ANKS1A: variants seen among roughly 807,000 people sequenced by gnomAD.
ANKS1A encodes ankyrin repeat and SAM domain-containing protein 1A.
Under a neutral mutation model 120.3 loss-of-function variants are expected in ANKS1A, and 55 were observed. That is an observed-to-expected ratio of 0.46 (90% CI 0.37 to 0.57). The LOEUF is 0.57. Ranked by LOEUF, ANKS1A falls within the 20% of genes least tolerant of loss-of-function variation. The pLI is 0.00. For missense variants in ANKS1A, 1,123 were observed against 1,480.3 expected, an observed-to-expected ratio of 0.76 and a Z score of 3.96; for synonymous variants, 590 against 604.7, an observed-to-expected ratio of 0.98 and a Z score of 0.36.
chr6:34,913,044 GT>G (rs1190023686), intron 1 of ANKS1A, among the ~76,000 whole-genome samples: 1 of 152,150 alleles, frequency 6.6e-6, no homozygotes, highest in African/African-American at 2.4e-5. Flanking sequence ...CGTTTACTGA[GT>G]TTCTGTTCTG....
At chr6:34,938,860 C>T (rs1337009567) in intron 1 of ANKS1A, among the ~76,000 whole-genome samples, 6 of 152,184 alleles carry the variant, frequency 3.9e-5, no homozygotes, top group East Asian at 3.9e-4. Context: ...TGGTGGCGCA[C>T]GCCTGTAATC....
downstream of ANKS1A, among the ~76,000 whole-genome samples, chr6:35,094,706 GAAACA>G (rs1778406499): frequency 6.6e-6 from 1 of 151,970 alleles, no homozygotes; most frequent in Non-Finnish European, 1.5e-5. Context: ...CATAAACTGG[GAAACA>G]AAACAACAGA....
rs1777831163 is a variant in ANKS1A at position 35,084,096 on chromosome 6, T to G, written c.2995-25T>G. 3 of 1,613,238 alleles carry G rather than the reference T, an allele frequency of 1.9e-6. No homozygotes were observed. The highest frequency in any genetic ancestry group is 1.7e-5 in the Admixed American group (1 of 59,980). ...CAGAGGCATGCCTGAGCCTGAGAAT[T>G]CCAGAACACGGCTTTCCCCAGCAGA... is the stretch of plus-strand genomic sequence containing the variant. On this transcript the variant is annotated intron_variant, in intron 20 of 23. Transcript: ENST00000360359. The surrounding 1 kb of genome is among the most constrained non-coding windows in gnomAD (Gnocchi z 4.8).
At chr6:35,041,716 C>T (rs1185643566) in intron 11 of ANKS1A, among the ~76,000 whole-genome samples, 3 of 152,158 alleles carry the variant, frequency 2.0e-5, no homozygotes, top group Non-Finnish European at 4.4e-5. Context: ...CTCAGGAGTC[C>T]TCACACTACC....
At position 34,994,298 on chromosome 6, in the gene ANKS1A, T is replaced by G; in HGVS notation, c.1303-4T>G. ...AAGATACACTGGATGTTTCTCTCCC[T>G]TAGGTTCTGTCCATGAGACCTAGGA... On this transcript the variant is annotated splice_polypyrimidine_tract_variant and splice_region_variant and intron_variant, in intron 9 of 23. Transcript: ENST00000360359. 2 of 1,612,764 alleles carry G rather than the reference T, an allele frequency of 1.2e-6. No individual in the cohort carries two copies. Among genetic ancestry groups the G allele is most frequent in the African/African-American group, 1.3e-5 (1 of 75,012 alleles).
chr6:34,940,009 C>T (rs1378276573), intron 1 of ANKS1A, among the ~76,000 whole-genome samples: 2 of 152,142 alleles, frequency 1.3e-5, no homozygotes, highest in African/African-American at 4.8e-5. Flanking sequence ...CATCTTGGTC[C>T]TGGTTAGATG....
intron 13 of ANKS1A, among the ~76,000 whole-genome samples, chr6:35,073,198 A>G (rs1024963067): frequency 6.6e-6 from 1 of 152,198 alleles, no homozygotes; most frequent in African/African-American, 2.4e-5. Context: ...GCCACACGTC[A>G]CACGTCACCT....
chr6:35,005,646 A>G, intron 10 of ANKS1A: 1 of 413,102 alleles, frequency 2.4e-6, no homozygotes, highest in Non-Finnish European at 4.7e-6. Context: ...AAGTAAAAGT[A>G]AAGAAACCAA....
chr6:35,091,142 T>C lies in ANKS1A; in HGVS notation c.*2533T>C. 1.0e-6 allele frequency: 1 copy of C among 985,898 alleles called. No individual in the cohort carries two copies. The highest frequency in any genetic ancestry group is 1.2e-6 in the Non-Finnish European group (1 of 829,926). The allele number at this position is 985,898 out of a possible 1,614,324, so 61.1% of individuals were successfully genotyped here. On this transcript the variant is annotated 3_prime_UTR_variant, in exon 24 of 24. Coordinates refer to ENST00000360359, the MANE Select transcript of ANKS1A (RefSeq NM_015245.3). Reference sequence around the variant, plus strand: ...GGACTGAACTGTAATGAAAATGTTATTTAATCTTTGTCTCTGTATTTTGAT... The same window carrying C: ...GGACTGAACTGTAATGAAAATGTTACTTAATCTTTGTCTCTGTATTTTGAT...
chr6:35,088,711 G>C lies in ANKS1A; in HGVS notation c.*102G>C. On this transcript the variant is annotated 3_prime_UTR_variant, in exon 24 of 24. Transcript: ENST00000360359. ...CTCACCTGCAGCTCTGAAGACCCAG[G>C]CCTCACCTCCGCCTGCAGGACCTCC... The C allele has an allele frequency of 6.2e-7, 1 of 1,611,908 alleles. No homozygotes were observed. The highest frequency in any genetic ancestry group is 8.5e-7 in the Non-Finnish European group (1 of 1,179,410).
chr6:35,086,764 C>T lies in ANKS1A; in HGVS notation c.3304-188C>T, dbSNP rs901737219. 2.0e-5 allele frequency among the ~76,000 whole-genome samples: 3 copies of T among 152,196 alleles called. No individual in the cohort carries two copies. The highest frequency in any genetic ancestry group is 7.2e-5 in the African/African-American group (3 of 41,452). On this transcript the variant is annotated intron_variant, in intron 22 of 23. Coordinates refer to ENST00000360359, the MANE Select transcript of ANKS1A (RefSeq NM_015245.3). The surrounding 1 kb of genome is among the most constrained non-coding windows in gnomAD (Gnocchi z 5.1). ...AGAAGCTGTGCCTGGAGGTGGCCCT[C>T]CCCAAGATGCTCCAGGAGGGTGTCC... is the stretch of plus-strand genomic sequence containing the variant.
chr6:34,988,528 G>A (rs1026652293), intron 8 of ANKS1A, among the ~76,000 whole-genome samples: 5 of 152,152 alleles, frequency 3.3e-5, no homozygotes, highest in East Asian at 1.9e-4. Context: ...CCTGGGAGGC[G>A]GAGCTTGCAG....
At chr6:34,902,248 T>A (rs562556751) in intron 1 of ANKS1A, among the ~76,000 whole-genome samples, 7 of 152,204 alleles carry the variant, frequency 4.6e-5, no homozygotes, top group Non-Finnish European at 1.0e-4. Context: ...TCTTTTTTGT[T>A]TCTTTTTTTT....
chr6:35,001,533 C>T (rs1444189937), intron 10 of ANKS1A, among the ~76,000 whole-genome samples: 2 of 152,244 alleles, frequency 1.3e-5, no homozygotes, highest in Non-Finnish European at 1.5e-5. Context: ...TCTCAAAGTC[C>T]AGCACCCTGC....
At chr6:34,896,937 C>G (rs190762877) in intron 1 of ANKS1A, among the ~76,000 whole-genome samples, 15 of 152,124 alleles carry the variant, frequency 9.9e-5, no homozygotes, top group Middle Eastern at 3.4e-3. Flanking sequence ...GCACTCCAGC[C>G]TGGGCAAAAA....
intron 1 of ANKS1A, among the ~76,000 whole-genome samples, chr6:34,902,864 T>C (rs940788017): frequency 2.0e-5 from 3 of 149,682 alleles, no homozygotes; most frequent in Non-Finnish European, 4.5e-5. Flanking sequence ...CTTGCTATTG[T>C]CTTCAGTTAC....
chr6:35,020,070 T>C (rs1263813054), intron 11 of ANKS1A, among the ~76,000 whole-genome samples: 8 of 151,890 alleles, frequency 5.3e-5, no homozygotes, highest in African/African-American at 1.9e-4. Flanking sequence ...GTGCTGACTG[T>C]GTGTAAGGGC....
At chr6:34,945,569 T>G (rs1297279867) in intron 1 of ANKS1A, among the ~76,000 whole-genome samples, 2 of 152,216 alleles carry the variant, frequency 1.3e-5, no homozygotes, top group Admixed American at 1.3e-4. Flanking sequence ...GGGCTCTCTA[T>G]TCTGTTCCAC....
rs779034710 is a variant in ANKS1A at position 35,060,192 on chromosome 6, T to C, written c.2123T>C (p.Ile708Thr). The C allele has an allele frequency of 9.3e-6, 15 of 1,609,508 alleles. No individual in the cohort carries two copies. The highest frequency in any genetic ancestry group is 6.7e-5 in the African/African-American group (5 of 74,772). ...AGTGTCGGGGAGTGGCTGGAGTCGA[T>C]TGGGCTGCAGCAGTATGAGAGCAAG... Reference protein sequence around the residue: ...EQSVGEWLESIGLQQYESKLL... With the variant: ...EQSVGEWLESTGLQQYESKLL... The change falls in exon 13 of 24, where the codon ATT becomes ACT. Residue 708 changes from isoleucine to threonine, a missense_variant. This residue lies in a region of ANKS1A where 904 missense variants were observed against 1,130.4 expected (regional missense o/e 0.80). Coordinates refer to ENST00000360359, the MANE Select transcript of ANKS1A (RefSeq NM_015245.3). This position sits in a 1 kb window ranked among gnomAD's most constrained non-coding sequence, Gnocchi z 4.5.
Sources: allele counts gnomAD v4.1 joint callset (sites outside exome capture counted in the v4.1 genomes callset), GRCh38; gene constraint gnomAD v4.1.1; regional missense constraint gnomAD v4.1.1; non-coding constraint Gnocchi (gnomAD v3.1); transcripts MANE v1.5; gene names NCBI Gene and HGNC (gene_info 2026-07-23, HGNC 2026-07-21).